LIFR: variants seen among roughly 807,000 people sequenced by gnomAD.
The protein encoded by LIFR is leukemia inhibitory factor receptor.
A neutral mutation model predicts 122.2 loss-of-function variants in LIFR; 84 were observed. That is an observed-to-expected ratio of 0.69 (90% confidence interval 0.58 to 0.82). The LOEUF is 0.82. LIFR is among the 40% of genes least tolerant of loss of function. The pLI, the probability that LIFR is intolerant of heterozygous loss-of-function variation, is 0.00. For missense variants in LIFR, 1,294 were observed against 1,311.6 expected, an observed-to-expected ratio of 0.99 and a Z score of 0.21; for synonymous variants, 422 against 434.7, an observed-to-expected ratio of 0.97 and a Z score of 0.36.
chr5:38,555,774 T>C (rs933707013), intron 1 of LIFR, among the ~76,000 whole-genome samples: 1 of 152,166 alleles, frequency 6.6e-6, no homozygotes, highest in Non-Finnish European at 1.5e-5. Context: ...GAACACGTGA[T>C]GTGCAGTTTT....
At chr5:38,577,796 A>G (rs1211810707) in intron 1 of LIFR, among the ~76,000 whole-genome samples, 4 of 152,206 alleles carry the variant, frequency 2.6e-5, no homozygotes, top group Admixed American at 2.0e-4. Context: ...TTTTTGAAAG[A>G]GCTAAGGGTC....
At chr5:38,603,816 G>C (rs1750270502) in intron 2 of LIFR, among the ~76,000 whole-genome samples, 1 of 152,106 alleles carries the variant, frequency 6.6e-6, no homozygotes, top group African/African-American at 2.4e-5. Context: ...AAGTCTTCAG[G>C]ATGTTTTCTT....
At chr5:38,602,133 A>C (rs1384835952) in intron 2 of LIFR, among the ~76,000 whole-genome samples, 1 of 152,190 alleles carries the variant, frequency 6.6e-6, no homozygotes, top group Non-Finnish European at 1.5e-5. Flanking sequence ...ACTTGTGTCC[A>C]GTTTCACAAC....
At chr5:38,537,686 T>C (rs1020555128) in intron 1 of LIFR, among the ~76,000 whole-genome samples, 8 of 152,164 alleles carry the variant, frequency 5.3e-5, no homozygotes, top group Admixed American at 3.3e-4. Context: ...AATTATTCTG[T>C]TGGGCCATAA....
chr5:38,534,576 C>T (rs757161697), intron 1 of LIFR, among the ~76,000 whole-genome samples: 17 of 152,174 alleles, frequency 1.1e-4, no homozygotes, highest in Non-Finnish European at 2.4e-4. Context: ...AAAGAGCCCA[C>T]ATAACCCAGC....
At chr5:38,486,995 C>A (rs1744321270) in intron 16 of LIFR, among the ~76,000 whole-genome samples, 1 of 152,114 alleles carries the variant, frequency 6.6e-6, no homozygotes, top group South Asian at 2.1e-4. Context: ...TTTCTACATA[C>A]CAGTCAATAA....
intron 2 of LIFR, chr5:38,606,084 A>AG (rs1750322627): frequency 6.6e-6 from 1 of 152,196 alleles, no homozygotes; most frequent in Non-Finnish European, 1.5e-5. Flanking sequence ...AATCAATGTT[A>AG]GTTGCTATGT....
chr5:38,553,254 GCTCAGAC>G lies in LIFR; in HGVS notation c.-20+3073_-20+3079del, dbSNP rs561327862. Among the ~76,000 whole-genome samples the G allele has an allele frequency of 2.2e-4, 34 of 152,038 alleles. 1 individual carries two copies. Among genetic ancestry groups the G allele is most frequent in the African/African-American group, 8.0e-4 (33 of 41,484 alleles). On this transcript the variant is annotated intron_variant, in intron 1 of 19. Coordinates refer to ENST00000453190, the MANE Select transcript of LIFR (RefSeq NM_001127671.2). Reference sequence around the variant, plus strand: ...CTTCTTCCCCCTCATTCAACTCTCAGCTCAGACCCCTCCACCCCAGAGAGGCTTCTCA... The same window carrying G: ...CTTCTTCCCCCTCATTCAACTCTCAGCCCTCCACCCCAGAGAGGCTTCTCA...
Position 38,481,879 on chromosome 5 carries a change from G to A in LIFR, c.3010C>T (p.Gln1004Ter). 1 of 1,614,118 alleles carries A rather than the reference G, an allele frequency of 6.2e-7. No individual in the cohort carries two copies. Among genetic ancestry groups the A allele is most frequent in the Non-Finnish European group, 8.5e-7 (1 of 1,180,010 alleles). The change falls in exon 20 of 20, where the codon CAG becomes TAG. Residue 1004 changes from glutamine to a stop codon, truncating the protein, a stop_gained. Coordinates refer to ENST00000453190, the MANE Select transcript of LIFR (RefSeq NM_001127671.2). LOFTEE classifies it high-confidence loss of function. ...GTAGAATTAATGGGGAGGTGCATCT[G>A]TGGCTTATAGCCTGCCCCTCCTACA... ...DPVGGAGYKP[Q>*]MHLPINSTVE...
intron 15 of LIFR, 86 bp from the exon 16 acceptor site, chr5:38,489,331 A>T: frequency 9.6e-7 from 1 of 1,038,834 alleles, no homozygotes; most frequent in Non-Finnish European, 1.5e-6. Flanking sequence ...CTAGCCTCAA[A>T]AATAATTCAA....
chr5:38,587,784 C>T (rs890351917), intron 1 of LIFR, among the ~76,000 whole-genome samples: 3 of 152,200 alleles, frequency 2.0e-5, no homozygotes, highest in Non-Finnish European at 4.4e-5. Context: ...GCTCCTAACC[C>T]ATGAATCTCT....
intron 2 of LIFR, among the ~76,000 whole-genome samples, chr5:38,605,308 T>C (rs1367052368): frequency 6.6e-6 from 1 of 152,170 alleles, no homozygotes; most frequent in Non-Finnish European, 1.5e-5. Context: ...ACATAGAGAC[T>C]AAGAGCAAGC....
intron 2 of LIFR, among the ~76,000 whole-genome samples, chr5:38,603,496 G>A (rs952295754): frequency 6.6e-6 from 1 of 152,144 alleles, no homozygotes; most frequent in Admixed American, 6.5e-5. Context: ...TGTTTAATCT[G>A]GTTTAACTCT....
Position 38,493,714 on chromosome 5 carries a change from T to C in LIFR, c.1957A>G (p.Met653Val). 1.9e-6 allele frequency: 3 copies of C among 1,614,174 alleles called. No homozygotes were observed. The highest frequency in any genetic ancestry group is 2.5e-6 in the Non-Finnish European group (3 of 1,180,042). Reference protein sequence around the residue: ...ILLTWHYDPNMTCDYVIKWCN... With the variant: ...ILLTWHYDPNVTCDYVIKWCN... ...CACTTAATGACGTAGTCGCAAGTCATGTTGGGGTCGTAATGCCAGGTGAGG... is the reference window on the plus strand; with the variant it reads ...CACTTAATGACGTAGTCGCAAGTCACGTTGGGGTCGTAATGCCAGGTGAGG... Residue 653 changes from methionine (M) to valine (V), a missense_variant, in exon 14 of 20, where the codon ATG becomes GTG. Met to Val is a conservative substitution (Grantham distance 21). Transcript: ENST00000453190.
chr5:38,500,940 C>T (rs1413674278), intron 11 of LIFR, among the ~76,000 whole-genome samples: 1 of 152,156 alleles, frequency 6.6e-6, no homozygotes, highest in African/African-American at 2.4e-5. Context: ...GTCATGAGCA[C>T]ACTTAAGCAG....
At chr5:38,604,463 T>A (rs1750283657) in intron 2 of LIFR, among the ~76,000 whole-genome samples, 2 of 152,096 alleles carry the variant, frequency 1.3e-5, no homozygotes, top group African/African-American at 4.8e-5. Context: ...TCCCAACATT[T>A]TGGAAAGCTG....
intron 14 of LIFR, among the ~76,000 whole-genome samples, chr5:38,491,025 C>G (rs3756418): frequency 6.6e-6 from 1 of 152,150 alleles, no homozygotes; most frequent in Non-Finnish European, 1.5e-5. Flanking sequence ...CCACTGCTCT[C>G]TCCTCTTGTT....
intron 5 of LIFR, among the ~76,000 whole-genome samples, chr5:38,517,464 C>CACCTGCAGTGTCTGTATCTGCAGGTGATA (rs1366199530): frequency 4.6e-5 from 7 of 152,040 alleles, no homozygotes; most frequent in Non-Finnish European, 7.4e-5. Context: ...ACCTTTAAGA[C>CACCTGCAGTGTCTGTATCTGCAGGTGATA]AGCACCTGCA....
chr5:38,498,539 T>C (rs1241312106), intron 12 of LIFR, among the ~76,000 whole-genome samples: 1 of 152,222 alleles, frequency 6.6e-6, no homozygotes, highest in Non-Finnish European at 1.5e-5. Context: ...AAACTCACTA[T>C]GACCAAAACT....
Sources: allele counts gnomAD v4.1 joint callset (sites outside exome capture counted in the v4.1 genomes callset), GRCh38; gene constraint gnomAD v4.1.1; transcripts MANE v1.5; gene names NCBI Gene and HGNC (gene_info 2026-07-23, HGNC 2026-07-21).